Variants in TSEN15 observed in about 807,000 individuals in gnomAD.
TSEN15 encodes the protein tRNA-splicing endonuclease subunit Sen15.
TSEN15 carries 10 observed loss-of-function variants against 20.5 expected under a neutral mutation model. The observed-to-expected ratio is 0.49, with a 90% CI of 0.30 to 0.83. The LOEUF (loss-of-function observed/expected upper bound fraction) is 0.83. Among genes scored for constraint, TSEN15 ranks in the 40% least tolerant of loss-of-function variants. The pLI, the probability that TSEN15 is intolerant of heterozygous loss-of-function variation, is 0.06. For synonymous variants in TSEN15, 72 were observed against 80.1 expected (o/e 0.90, Z 0.54); for missense variants, 180 against 218.6 (o/e 0.82, Z 1.11).
chr1:184,059,693 T>C (rs1054287953), intron 3 of TSEN15, among the ~76,000 whole-genome samples: 1 of 152,076 alleles, frequency 6.6e-6, no homozygotes, highest in African/African-American at 2.4e-5. Flanking sequence ...GCTTCAGCGT[T>C]CTAAGTAGCT....
rs575724379 is a variant in TSEN15 at position 184,083,572 on chromosome 1, T to C, written c.354-12118T>C. On this transcript the variant is annotated intron_variant, in intron 3 of 3. Transcript: ENST00000643231. Reference sequence around the variant, plus strand: ...ATAATTATACAATTATTGTGGATTGTACTTCTGTTGATGACCACAGATGGG... The same window carrying C: ...ATAATTATACAATTATTGTGGATTGCACTTCTGTTGATGACCACAGATGGG... Among the ~76,000 whole-genome samples, 10 of 152,324 alleles carry C rather than the reference T, an allele frequency of 6.6e-5. 1 individual carries two copies. The East Asian group carries it at 1.7e-3, about 26-fold the overall frequency.
chr1:184,075,284 T>A (rs78468239), downstream of TSEN15, among the ~76,000 whole-genome samples: 524 of 152,230 alleles, frequency 3.4e-3, 6 homozygotes, highest in African/African-American at 0.012. Context: ...GCCAGACACA[T>A]CCTAACATGA....
At chr1:184,088,779 G>A (rs74430066) in intron 3 of TSEN15, among the ~76,000 whole-genome samples, 3,970 of 152,220 alleles carry the variant, frequency 0.026, 177 homozygotes, top group African/African-American at 0.089. Context: ...CTAAGAAACA[G>A]TATAATGGCT....
Position 184,051,819 on chromosome 1 carries a change from C to T in TSEN15, c.64C>T (p.Arg22Cys), listed in dbSNP as rs2102874533. The change falls in exon 1 of 5, where the codon CGC becomes TGC. Residue 22 changes from arginine to cysteine, a missense_variant. Arg to Cys is a radical substitution (Grantham distance 180). Coordinates refer to ENST00000645668, the MANE Select transcript of TSEN15 (RefSeq NM_052965.4). ...CAGCGGCCTGGGTCCGGGCGGTGTT[C>T]GCGGCTTTGGCGACGGCGGTGGAGC... ...GCSGLGPGGV[R>C]GFGDGGGAPS... 1.3e-6 allele frequency: 2 copies of T among 1,544,342 alleles called. No individual in the cohort carries two copies. The highest frequency in any genetic ancestry group is 1.7e-6 in the Non-Finnish European group (2 of 1,145,056).
intron 3 of TSEN15, among the ~76,000 whole-genome samples, chr1:184,080,926 C>A (rs192848558): frequency 6.6e-6 from 1 of 152,144 alleles, no homozygotes. Context: ...AATCAATAAT[C>A]CAATTTAATT....
At chr1:184,054,513 T>C in intron 2 of TSEN15, 78 bp downstream of exon 2, 1 of 1,250,304 alleles carries the variant, frequency 8.0e-7, no homozygotes, top group African/African-American at 1.5e-5. Context: ...TATAGCATTC[T>C]TAACATAATA....
chr1:184,093,157 C>T (rs1651389712), intron 3 of TSEN15, among the ~76,000 whole-genome samples: 1 of 152,144 alleles, frequency 6.6e-6, no homozygotes, highest in African/African-American at 2.4e-5. Context: ...CTCAGAGTGG[C>T]AAGAGTAGGC....
chr1:184,079,045 A>G (rs1056909683), downstream of TSEN15, among the ~76,000 whole-genome samples: 5 of 152,170 alleles, frequency 3.3e-5, no homozygotes, highest in Admixed American at 1.3e-4. Flanking sequence ...CATGTGCAGA[A>G]TAATGTGCTA....
chr1:184,057,588 C>T (rs1040318316), intron 3 of TSEN15, among the ~76,000 whole-genome samples: 2 of 152,034 alleles, frequency 1.3e-5, no homozygotes, highest in African/African-American at 4.8e-5. Flanking sequence ...TCAGTTTCCT[C>T]GTCTTATTTT....
chr1:184,058,474 G>T (rs904865830), intron 3 of TSEN15, among the ~76,000 whole-genome samples: 1 of 151,966 alleles, frequency 6.6e-6, no homozygotes, highest in Middle Eastern at 3.2e-3. Flanking sequence ...GTATATGTGT[G>T]TATGTGTGAT....
chr1:184,055,442 G>A (rs1047818313), intron 3 of TSEN15, among the ~76,000 whole-genome samples: 6 of 152,118 alleles, frequency 3.9e-5, no homozygotes, highest in Admixed American at 1.3e-4. Context: ...CATTCAACAA[G>A]TATTTATTTA....
chr1:184,068,284 C>T (rs1257230692), intron 3 of TSEN15, among the ~76,000 whole-genome samples: 1 of 152,008 alleles, frequency 6.6e-6, no homozygotes, highest in Non-Finnish European at 1.5e-5. Context: ...ATTATTATTT[C>T]CCTGTAATTG....
rs1572700930 is a variant in TSEN15 at position 184,054,238 on chromosome 1, C to A, written c.136-116C>A. On this transcript the variant is annotated intron_variant, in intron 1 of 4. Coordinates refer to ENST00000645668, the MANE Select transcript of TSEN15 (RefSeq NM_052965.4). ...AAGATCTTATATTGCCTTTTAACTTCCACTATACCTAGAAGAATTTTATAG... is the reference window on the plus strand; with the variant it reads ...AAGATCTTATATTGCCTTTTAACTTACACTATACCTAGAAGAATTTTATAG... 25 of 611,388 alleles carry A rather than the reference C, an allele frequency of 4.1e-5. No homozygotes were observed. The South Asian group carries it at 6.5e-4, about 16-fold the overall frequency. The allele number at this position is 611,388 out of a possible 1,614,324, so 37.9% of individuals were successfully genotyped here.
chr1:184,063,771 A>G (rs1319324568), intron 3 of TSEN15, among the ~76,000 whole-genome samples: 2 of 152,122 alleles, frequency 1.3e-5, no homozygotes, highest in African/African-American at 4.8e-5. Context: ...CGAATTATTT[A>G]TTTTTAAATC....
At chr1:184,056,928 TTTC>T (rs1256005487) in intron 3 of TSEN15, among the ~76,000 whole-genome samples, 1 of 152,182 alleles carries the variant, frequency 6.6e-6, no homozygotes, top group African/African-American at 2.4e-5. Flanking sequence ...CCCTTATGCA[TTTC>T]TTCTTTAGAA....
At chr1:184,065,659 C>A (rs1650628380) in intron 3 of TSEN15, among the ~76,000 whole-genome samples, 1 of 152,166 alleles carries the variant, frequency 6.6e-6, no homozygotes, top group African/African-American at 2.4e-5. Context: ...CAATATGTAT[C>A]CCTGCTAGCA....
chr1:184,085,681 G>A (rs905417236), intron 3 of TSEN15, among the ~76,000 whole-genome samples: 1 of 152,204 alleles, frequency 6.6e-6, no homozygotes, highest in Non-Finnish European at 1.5e-5. Context: ...AACAGCAAGT[G>A]CAAATGTCCT....
intron 3 of TSEN15, among the ~76,000 whole-genome samples, chr1:184,057,598 T>G (rs1240260388): frequency 6.6e-6 from 1 of 152,152 alleles, no homozygotes; most frequent in Non-Finnish European, 1.5e-5. Flanking sequence ...CGTCTTATTT[T>G]GTTGTTGAGG....
intron 3 of TSEN15, among the ~76,000 whole-genome samples, chr1:184,071,821 G>C (rs1029198703): frequency 6.6e-6 from 1 of 151,916 alleles, no homozygotes; most frequent in Non-Finnish European, 1.5e-5. Flanking sequence ...ACTCAAAAGG[G>C]CAGAGATTGT....
Sources: allele counts gnomAD v4.1 joint callset (sites outside exome capture counted in the v4.1 genomes callset), GRCh38; gene constraint gnomAD v4.1.1; transcripts MANE v1.5; gene names NCBI Gene and HGNC (gene_info 2026-07-23, HGNC 2026-07-21).